Variants in PRKCZ observed in about 807,000 individuals in gnomAD.
The protein encoded by PRKCZ is protein kinase C zeta type.
PRKCZ carries 33 observed loss-of-function variants against 79.5 expected under a neutral mutation model. The ratio of observed to expected loss-of-function variants is 0.41; its 90% CI spans 0.31 to 0.55. The LOEUF (loss-of-function observed/expected upper bound fraction) is 0.55. Ranked by LOEUF, PRKCZ falls within the 20% of genes least tolerant of loss-of-function variation. The pLI is 0.19. For missense variants in PRKCZ, 578 were observed against 813.5 expected, an observed-to-expected ratio of 0.71 and a Z score of 3.52; for synonymous variants, 342 against 320.9, an observed-to-expected ratio of 1.07 and a Z score of -0.70.
chr1:2,084,006 C>T (rs748027010), intron 4 of PRKCZ, among the ~76,000 whole-genome samples: 1 of 152,096 alleles, frequency 6.6e-6, no homozygotes, highest in Non-Finnish European at 1.5e-5. Context: ...CCGAAGCGGG[C>T]AGATCACTTG....
At chr1:2,078,233 G>A (rs1476415804) in intron 4 of PRKCZ, among the ~76,000 whole-genome samples, 5 of 152,190 alleles carry the variant, frequency 3.3e-5, no homozygotes, top group African/African-American at 9.6e-5. Flanking sequence ...CTTAATGTCC[G>A]GTTAAGACCC....
In PRKCZ at chr1:2,144,288, C is replaced by T; in HGVS notation, c.499C>T (p.Leu167=). 1 of 1,567,924 alleles carries T rather than the reference C, an allele frequency of 6.4e-7. No homozygotes were observed. The highest frequency in any genetic ancestry group is 1.3e-5 in the African/African-American group (1 of 74,538). ...CTACAGGTGCATCAACTGCAAACTG[C>T]TGGTCCATAAGCGCTGCCACGGCCT... ...QGYRCINCKL[L]VHKRCHGLVP... is the part of the protein sequence containing the mutation. The change falls in exon 6 of 18, where the codon CTG becomes TTG. Residue 167 remains leucine, a synonymous_variant. Coordinates refer to ENST00000378567, the MANE Select transcript of PRKCZ (RefSeq NM_002744.6).
chr1:2,170,891 C>A (rs964613800), intron 11 of PRKCZ, among the ~76,000 whole-genome samples: 1 of 152,254 alleles, frequency 6.6e-6, no homozygotes, highest in African/African-American at 2.4e-5. Flanking sequence ...ATCCGTCCAT[C>A]CCTCGGGGGG....
intron 4 of PRKCZ, among the ~76,000 whole-genome samples, chr1:2,076,373 C>T (rs1421429277): frequency 6.6e-6 from 1 of 152,204 alleles, no homozygotes; most frequent in Non-Finnish European, 1.5e-5. Context: ...CTGAGGCATC[C>T]CCATCTCCCA....
intron 1 of PRKCZ, among the ~76,000 whole-genome samples, chr1:2,052,399 C>T (rs1478406801): frequency 2.0e-5 from 3 of 151,480 alleles, no homozygotes; most frequent in Non-Finnish European, 4.4e-5. Context: ...CCTCCCTTCC[C>T]GGACTCTCTC....
rs749070919 is a variant in PRKCZ at position 2,173,949 on chromosome 1, C to G, written c.1338C>G (p.Ala446=). The change falls in exon 14 of 18, where the codon GCC becomes GCG. Residue 446 remains alanine (A), a synonymous_variant. Coordinates refer to ENST00000378567, the MANE Select transcript of PRKCZ (RefSeq NM_002744.6). This position sits in a 1 kb window ranked among gnomAD's most constrained non-coding sequence, Gnocchi z 5.7. ...GAGTCCTCATGTTTGAGATGATGGC[C>G]GGGCGCTCCCCGTTCGACATCATCA... ...ALGVLMFEMM[A]GRSPFDIITD... 1.2e-6 allele frequency: 2 copies of G among 1,612,750 alleles called. No homozygotes were observed. Among genetic ancestry groups the G allele is most frequent in the South Asian group, 2.2e-5 (2 of 90,736 alleles).
At chr1:2,057,301 C>G (rs1473388262) in intron 3 of PRKCZ, among the ~76,000 whole-genome samples, 1 of 152,210 alleles carries the variant, frequency 6.6e-6, no homozygotes, top group African/African-American at 2.4e-5. Flanking sequence ...GTGGGCTCCT[C>G]CCCGGTACTG....
chr1:2,101,817 G>A (rs908742), intron 4 of PRKCZ, among the ~76,000 whole-genome samples: 45,824 of 152,140 alleles, frequency 0.3, 8,203 homozygotes, highest in East Asian at 0.62. Context: ...TAGTGGATGC[G>A]TGATCGAGAC....
intron 4 of PRKCZ, among the ~76,000 whole-genome samples, chr1:2,101,957 C>G (rs1250831587): frequency 6.6e-6 from 1 of 152,196 alleles, no homozygotes; most frequent in Non-Finnish European, 1.5e-5. Context: ...AATGACAAGT[C>G]AGGAATGTCA....
intron 4 of PRKCZ, among the ~76,000 whole-genome samples, chr1:2,070,746 G>T (rs1292384548): frequency 1.3e-5 from 2 of 150,626 alleles, no homozygotes; most frequent in Non-Finnish European, 3.0e-5. Flanking sequence ...TGGGGCTGGC[G>T]GGGGACAGTC....
intron 4 of PRKCZ, among the ~76,000 whole-genome samples, chr1:2,083,216 G>A (rs1331098752): frequency 1.3e-5 from 2 of 152,102 alleles, no homozygotes; most frequent in African/African-American, 2.4e-5. Flanking sequence ...TCGAGGGGAG[G>A]TGGCTGCGTC....
Position 2,050,565 on chromosome 1 carries a change from C to A in PRKCZ, c.-66C>A. The A allele has an allele frequency of 9.5e-7, 1 of 1,052,696 alleles. No individual in the cohort carries two copies. The highest frequency in any genetic ancestry group is 4.8e-5 in the South Asian group (1 of 21,038). The allele number at this position is 1,052,696 out of a possible 1,614,324, so 65.2% of individuals were successfully genotyped here. ...CGTTCCGCCGCGGCCCCACCTGGAG[C>A]CCCCGCCCCGCGCCATGGCCGGAGC... On this transcript the variant is annotated 5_prime_UTR_variant, in exon 1 of 18. Transcript: ENST00000378567.
At chr1:2,114,694 A>G (rs530507022) in intron 4 of PRKCZ, among the ~76,000 whole-genome samples, 1 of 152,172 alleles carries the variant, frequency 6.6e-6, no homozygotes, top group South Asian at 2.1e-4. Flanking sequence ...GAATCGCTTG[A>G]ACCCGGGAGG....
chr1:2,066,634 G>A (rs940153700), intron 4 of PRKCZ, among the ~76,000 whole-genome samples: 3 of 152,296 alleles, frequency 2.0e-5, no homozygotes, highest in Non-Finnish European at 4.4e-5. Flanking sequence ...GAGCTGCTGC[G>A]CCCGGCCCTG....
At chr1:2,102,313 C>CA (rs1557561527) in intron 4 of PRKCZ, among the ~76,000 whole-genome samples, 1 of 112,708 alleles carries the variant, frequency 8.9e-6, no homozygotes, top group Non-Finnish European at 1.7e-5. Flanking sequence ...TTTTTTATTG[C>CA]GTTTTTTTTT....
intron 4 of PRKCZ, among the ~76,000 whole-genome samples, chr1:2,120,994 A>G (rs1461706398): frequency 1.3e-5 from 2 of 151,860 alleles, no homozygotes; most frequent in Non-Finnish European, 2.9e-5. Context: ...TTATGTTTTT[A>G]TTAGAGACGG....
intron 9 of PRKCZ, among the ~76,000 whole-genome samples, chr1:2,155,374 C>A (rs564495459): frequency 4.0e-4 from 59 of 148,550 alleles, no homozygotes; most frequent in East Asian, 1.2e-3. Context: ...ATGGTGATGA[C>A]AGTGGTGATG....
At position 2,166,487 on chromosome 1, in the gene PRKCZ, C is replaced by T. The variant is rs114493758; in HGVS notation, c.975-3031C>T. Among the ~76,000 whole-genome samples, 194 of 152,330 alleles carry T rather than the reference C, an allele frequency of 1.3e-3. 1 individual carries two copies. The highest frequency in any genetic ancestry group is 4.4e-3 in the African/African-American group (184 of 41,568). On this transcript the variant is annotated intron_variant, in intron 10 of 17. Transcript: ENST00000378567. ...CCGCCTCCCATCTGGGCTCTGCTTG[C>T]TCCTCTCCCCTTGCAAACATGAGAG...
At position 2,146,098 on chromosome 1, in the gene PRKCZ, G is replaced by A. The variant is rs143367104; in HGVS notation, c.624G>A (p.Glu208=). 7 of 1,613,814 alleles carry A rather than the reference G, an allele frequency of 4.3e-6. No individual in the cohort carries two copies. The highest frequency in any genetic ancestry group is 5.9e-6 in the Non-Finnish European group (7 of 1,179,708). ...KNEDADLPSE[E]TDGIAYISSS... is the part of the protein sequence containing the mutation. ...AGGACGCCGACCTTCCTTCCGAGGA[G>A]ACAGATGGAAGTAGGCGCTGCTTTC... Residue 208 remains glutamate (E), a synonymous_variant, in exon 7 of 18, where the codon GAG becomes GAA. Transcript: ENST00000378567.
Sources: allele counts gnomAD v4.1 joint callset (sites outside exome capture counted in the v4.1 genomes callset), GRCh38; gene constraint gnomAD v4.1.1; non-coding constraint Gnocchi (gnomAD v3.1); transcripts MANE v1.5; gene names NCBI Gene and HGNC (gene_info 2026-07-23, HGNC 2026-07-21).